Variants in CEP70 observed in about 807,000 individuals in gnomAD.
The protein encoded by CEP70 is centrosomal protein 70.
CEP70 carries 70 observed loss-of-function variants against 90.9 expected under a neutral mutation model. The ratio of observed to expected loss-of-function variants is 0.77; its 90% confidence interval spans 0.64 to 0.94. CEP70 has a LOEUF of 0.94. Among genes scored for constraint, CEP70 ranks in the 40% least tolerant of loss-of-function variants. The pLI, the probability that CEP70 is intolerant of heterozygous loss-of-function variation, is 0.00. For synonymous variants in CEP70, 220 were observed against 228.3 expected, an observed-to-expected ratio of 0.96 and a Z score of 0.33; for missense variants, 648 against 669.0, an observed-to-expected ratio of 0.97 and a Z score of 0.35.
chr3:138,495,280 A>G (rs2033883083), intron 17 of CEP70, among the ~76,000 whole-genome samples: 1 of 152,210 alleles, frequency 6.6e-6, no homozygotes, highest in African/African-American at 2.4e-5. Flanking sequence ...CTCTGTTTAT[A>G]TAAGTTACCA....
chr3:138,528,708 G>A (rs1008096851), intron 10 of CEP70, among the ~76,000 whole-genome samples: 11 of 150,424 alleles, frequency 7.3e-5, no homozygotes, highest in African/African-American at 1.5e-4. Context: ...TAAAAAATTA[G>A]AGGCTGAGGA....
At chr3:138,527,694 CAA>C (rs34863399) in intron 10 of CEP70, among the ~76,000 whole-genome samples, 1,913 of 117,742 alleles carry the variant, frequency 0.016, 41 homozygotes, top group African/African-American at 0.048. Flanking sequence ...GACTCCGTCT[CAA>C]AAAAAAAAAA....
chr3:138,514,604 T>C (rs764320945), intron 11 of CEP70, among the ~76,000 whole-genome samples: 9 of 152,112 alleles, frequency 5.9e-5, no homozygotes, highest in Non-Finnish European at 1.0e-4. Flanking sequence ...CCTTGAAAAG[T>C]AAATTTTTTT....
chr3:138,592,652 C>G (rs1192067639), intron 1 of CEP70, among the ~76,000 whole-genome samples: 1 of 151,990 alleles, frequency 6.6e-6, no homozygotes, highest in Non-Finnish European at 1.5e-5. Context: ...TCTTCTGGCA[C>G]TTTCTAGGTT....
chr3:138,560,959 C>T (rs913394600), intron 6 of CEP70, among the ~76,000 whole-genome samples: 1 of 152,152 alleles, frequency 6.6e-6, no homozygotes, highest in African/African-American at 2.4e-5. Flanking sequence ...CAGACTTAAA[C>T]GTCCTGGCCT....
intron 17 of CEP70, chr3:138,497,760 G>A: frequency 1.0e-6 from 1 of 985,298 alleles, no homozygotes; most frequent in Non-Finnish European, 1.2e-6. Context: ...GACAGAGCCA[G>A]GGTTAAACTA....
At position 138,505,439 on chromosome 3, in the gene CEP70, G is replaced by A; in HGVS notation, c.1077C>T (p.Ile359=). The change falls in exon 13 of 18, where the codon ATC becomes ATT. Residue 359 remains isoleucine, a synonymous_variant. Coordinates refer to ENST00000264982, the MANE Select transcript of CEP70 (RefSeq NM_024491.4). The part of the protein sequence containing the change: ...FQVLCSINSI[I]HNPRAPVIIY... ...TTATTACTGGAGCTCTTGGATTGTG[G>A]ATAATTGAATTGATGCTACACAGCA... is the stretch of plus-strand genomic sequence containing the variant. The A allele has an allele frequency of 6.2e-7, 1 of 1,604,826 alleles. No individual in the cohort carries two copies. Among genetic ancestry groups the A allele is most frequent in the Non-Finnish European group, 8.5e-7 (1 of 1,176,586 alleles).
rs989468834 is a variant in CEP70 at position 138,530,461 on chromosome 3, T to A, written c.693-999A>T. On this transcript the variant is annotated intron_variant, in intron 8 of 17. Transcript: ENST00000264982. ...GATTGATTCAGTTCAAATGATTTATTCCCAATGTGTTTATTTTACACATGT... is the reference window on the plus strand; with the variant it reads ...GATTGATTCAGTTCAAATGATTTATACCCAATGTGTTTATTTTACACATGT... The A allele has an allele frequency of 1.3e-5, 4 of 296,856 alleles. No individual in the cohort carries two copies. In the Admixed American group the frequency reaches 2.6e-4, roughly 19 times the overall value. The allele number at this position is 296,856 out of a possible 1,614,324, so 18.4% of individuals were successfully genotyped here. A position where few individuals can be genotyped will look rare whatever the true frequency, so the allele number is the denominator to read the frequency against.
rs574177234 is a variant in CEP70, at chr3:138,499,981, A to T, written c.1652+129T>A. The T allele has an allele frequency of 7.2e-5, 50 of 690,700 alleles. No individual in the cohort carries two copies. The East Asian group carries it at 1.2e-3, about 17-fold the overall frequency. The allele number at this position is 690,700 out of a possible 1,614,324, so 42.8% of individuals were successfully genotyped here. A position where few individuals can be genotyped will look rare whatever the true frequency, so the allele number is the denominator to read the frequency against. Reference sequence around the variant, plus strand: ...GAGACAGGGTCTCACTGCCTTGCTCAGACTGGACTTAAACTCCTGGGTTCA... The same window carrying T: ...GAGACAGGGTCTCACTGCCTTGCTCTGACTGGACTTAAACTCCTGGGTTCA... On this transcript the variant is annotated intron_variant, in intron 16 of 17. Coordinates refer to ENST00000264982, the MANE Select transcript of CEP70 (RefSeq NM_024491.4).
chr3:138,495,826 T>C, intron 17 of CEP70: 2 of 942,978 alleles, frequency 2.1e-6, no homozygotes, highest in Non-Finnish European at 2.5e-6. Flanking sequence ...CACTCTGGCC[T>C]GGGTGACAGA....
intron 11 of CEP70, among the ~76,000 whole-genome samples, chr3:138,518,277 G>T (rs1039938698): frequency 7.2e-5 from 11 of 152,212 alleles, no homozygotes; most frequent in Non-Finnish European, 1.3e-4. Context: ...CCAAACAAAA[G>T]GCAGCAGAAT....
At chr3:138,584,478 A>AGAGAG (rs993912304) in intron 2 of CEP70, among the ~76,000 whole-genome samples, 5 of 149,052 alleles carry the variant, frequency 3.4e-5, no homozygotes, top group Non-Finnish European at 5.9e-5. Context: ...AAAAAAAAAA[A>AGAGAG]AGAGAGAGAG....
chr3:138,535,220 A>G (rs1335667785), intron 7 of CEP70, among the ~76,000 whole-genome samples: 1 of 152,104 alleles, frequency 6.6e-6, no homozygotes, highest in Non-Finnish European at 1.5e-5. Flanking sequence ...TCCTGTTATC[A>G]TATTTCTCTA....
At chr3:138,557,639 T>C (rs1046099363) in intron 6 of CEP70, among the ~76,000 whole-genome samples, 1 of 152,122 alleles carries the variant, frequency 6.6e-6, no homozygotes, top group Non-Finnish European at 1.5e-5. Flanking sequence ...AATGATACAA[T>C]GGACTTTGGG....
At chr3:138,593,194 T>A (rs1324167352) in intron 1 of CEP70, 1 of 152,142 alleles carries the variant, frequency 6.6e-6, no homozygotes, top group Non-Finnish European at 1.5e-5. Flanking sequence ...TTGAAACCAA[T>A]ATGGGTAATG....
chr3:138,548,661 A>G (rs923402997), intron 6 of CEP70, among the ~76,000 whole-genome samples: 1 of 152,234 alleles, frequency 6.6e-6, no homozygotes, highest in African/African-American at 2.4e-5. Context: ...GTGTAAAGAA[A>G]CAAGACATGG....
chr3:138,513,168 C>A (rs1452218852), intron 11 of CEP70, among the ~76,000 whole-genome samples: 1 of 152,200 alleles, frequency 6.6e-6, no homozygotes, highest in African/African-American at 2.4e-5. Flanking sequence ...CTCTCCACAC[C>A]AGACATGATG....
intron 6 of CEP70, among the ~76,000 whole-genome samples, chr3:138,565,149 G>T (rs147954007): frequency 7.2e-5 from 11 of 152,236 alleles, no homozygotes; most frequent in African/African-American, 2.6e-4. Flanking sequence ...AGATGTAAAG[G>T]ACCTTTTCAA....
At position 138,500,820 on chromosome 3, in the gene CEP70, T is replaced by C. The variant is rs1415775906; in HGVS notation, c.1283A>G (p.Lys428Arg). The C allele has an allele frequency of 1.9e-6, 3 of 1,606,332 alleles. No individual in the cohort carries two copies. The Admixed American group carries it at 5.1e-5, about 27-fold the overall frequency. Residue 428 changes from lysine (K) to arginine (R), a missense_variant, in exon 14 of 18, where the codon AAG (lysine) becomes AGG (arginine). Physicochemically the swap from Lys to Arg is conservative, Grantham distance 26 (BLOSUM62 2). Transcript: ENST00000264982. ...AELVPWLNLK[K>R]QDENEGIKVE... ...TTTGATACCTTCATTTTCATCCTGCTTCTTCAAATTAAGCCAAGGTACCAG... is the reference window on the plus strand; with the variant it reads ...TTTGATACCTTCATTTTCATCCTGCCTCTTCAAATTAAGCCAAGGTACCAG...
Sources: gnomAD v4.1 joint callset for allele counts (sites outside exome capture counted in the v4.1 genomes callset) on GRCh38, gnomAD v4.1.1 for gene constraint, MANE v1.5 for transcripts, NCBI Gene and HGNC (gene_info 2026-07-23, HGNC 2026-07-21) for gene names.